The following STARD6 variants were observed in gnomAD, a reference collection of about 807,000 sequenced individuals.
STARD6 encodes the protein stAR-related lipid transfer protein 6.
In STARD6, 21 loss-of-function variants were observed where a neutral mutation model predicts 22.3. The ratio of observed to expected loss-of-function variants is 0.94; its 90% CI spans 0.67 to 1.35. STARD6 has a LOEUF of 1.35. Ranked by LOEUF, STARD6 falls within the 40% of genes most tolerant of loss-of-function variation. The probability of loss-of-function intolerance (pLI) is 0.00; values close to 1 mark genes in which losing one functional copy is unlikely to be tolerated. For synonymous variants in STARD6, 80 were observed against 88.1 expected (o/e 0.91, Z 0.52); for missense variants, 269 against 266.9 (o/e 1.01, Z -0.05).
At chr18:54,340,880 C>T (rs1008730240) in intron 4 of STARD6, among the ~76,000 whole-genome samples, 1 of 152,030 alleles carries the variant, frequency 6.6e-6, no homozygotes, top group Admixed American at 6.6e-5. Context: ...AAACTATTAG[C>T]AGAGATAAAG....
At chr18:54,325,634 A>G (rs1264369189) in intron 7 of STARD6, among the ~76,000 whole-genome samples, 1 of 151,818 alleles carries the variant, frequency 6.6e-6, no homozygotes, top group East Asian at 1.9e-4. Flanking sequence ...TGCAGCCTCG[A>G]ACTCCTGAAT....
intron 4 of STARD6, 60 bp downstream of exon 4, chr18:54,353,994 C>T: frequency 9.6e-7 from 1 of 1,042,126 alleles, no homozygotes; most frequent in East Asian, 2.6e-5. Flanking sequence ...CACTGAAATT[C>T]CAGATACATC....
At chr18:54,348,678 T>C (rs1299148282) in intron 4 of STARD6, among the ~76,000 whole-genome samples, 4 of 152,156 alleles carry the variant, frequency 2.6e-5, no homozygotes, top group African/African-American at 9.7e-5. Context: ...GCCTGACATA[T>C]AGTAGGACAT....
chr18:54,329,982 TA>T (rs1420611756), intron 6 of STARD6, among the ~76,000 whole-genome samples: 3 of 151,984 alleles, frequency 2.0e-5, no homozygotes, highest in African/African-American at 2.4e-5. Context: ...AAACTCTAAC[TA>T]AAAATCAATA....
intron 1 of STARD6, chr18:54,357,230 C>T (rs1295028009): frequency 6.6e-6 from 1 of 152,240 alleles, no homozygotes; most frequent in African/African-American, 2.4e-5. Flanking sequence ...CAGGTTCACA[C>T]ATGTTAGTGA....
intron 3 of STARD6, 84 bp from the exon 4 acceptor site, chr18:54,354,187 CT>C (rs1410257799): frequency 1.9e-5 from 17 of 904,442 alleles, no homozygotes; most frequent in East Asian, 2.6e-5. Flanking sequence ...AGTAAAAACA[CT>C]TTTTTTTCTG....
chr18:54,350,613 CAGGTCTT>C (rs1416961431), intron 4 of STARD6, among the ~76,000 whole-genome samples: 2 of 152,180 alleles, frequency 1.3e-5, no homozygotes, highest in Non-Finnish European at 2.9e-5. Context: ...TTTATGGTTT[CAGGTCTT>C]AGATTTAAGT....
intron 2 of STARD6, chr18:54,355,900 CTT>C (rs1294988850): frequency 6.6e-6 from 1 of 152,184 alleles, no homozygotes; most frequent in Non-Finnish European, 1.5e-5. Context: ...GACTTTGTCA[CTT>C]AGTACAGCTA....
At chr18:54,353,380 G>A (rs953929943) in intron 4 of STARD6, among the ~76,000 whole-genome samples, 3 of 152,190 alleles carry the variant, frequency 2.0e-5, no homozygotes, top group African/African-American at 7.2e-5. Flanking sequence ...TTTAAAATGA[G>A]GAAGTAGGCT....
chr18:54,347,213 T>C (rs945460280), intron 4 of STARD6, among the ~76,000 whole-genome samples: 4 of 152,282 alleles, frequency 2.6e-5, no homozygotes, highest in Non-Finnish European at 5.9e-5. Flanking sequence ...AGAGAACCTA[T>C]ATTTTATCTA....
intron 4 of STARD6, among the ~76,000 whole-genome samples, chr18:54,350,852 T>C (rs920873767): frequency 1.3e-5 from 2 of 152,208 alleles, no homozygotes; most frequent in Non-Finnish European, 2.9e-5. Flanking sequence ...GTGCCTGTTT[T>C]TATACTAGTC....
Position 54,337,149 on chromosome 18 carries a change from A to G in STARD6, c.243T>C (p.Tyr81=). ...CCGAATCAATCCTGTGTACCATATT[A>G]TACACTTGCAATGATTTATCCCATG... ...RITWDKSLQV[Y]NMVHRIDSDT... is the part of the protein sequence containing the mutation. Residue 81 remains tyrosine (Y), a synonymous_variant, in exon 5 of 8, where the codon TAT becomes TAC. Coordinates refer to ENST00000307844, the MANE Select transcript of STARD6 (RefSeq NM_139171.2). 6.2e-7 allele frequency: 1 copy of G among 1,613,086 alleles called. No individual in the cohort carries two copies. Among genetic ancestry groups the G allele is most frequent in the Non-Finnish European group, 8.5e-7 (1 of 1,179,440 alleles).
chr18:54,353,914 C>A, intron 4 of STARD6, 140 bp downstream of exon 4: 2 of 497,254 alleles, frequency 4.0e-6, no homozygotes, highest in South Asian at 3.8e-5. Flanking sequence ...ATTATTATCA[C>A]ATTTCTGCCT....
At chr18:54,337,006 C>T in intron 5 of STARD6, 119 bp downstream of exon 5, 1 of 929,642 alleles carries the variant, frequency 1.1e-6, no homozygotes, top group Non-Finnish European at 1.5e-6. Flanking sequence ...ATAAAGACTT[C>T]AAGTCAATTT....
Position 54,336,671 on chromosome 18 carries a change from G to A in STARD6, c.267+454C>T, listed in dbSNP as rs534604280. Among the ~76,000 whole-genome samples, 3 of 152,272 alleles carry A rather than the reference G, an allele frequency of 2.0e-5. No individual in the cohort carries two copies. In the East Asian group the frequency reaches 5.8e-4, roughly 29 times the overall value. On this transcript the variant is annotated intron_variant, in intron 5 of 7. Transcript: ENST00000307844. ...ACGAGGTCTGATGGTTTAAAAATGT[G>A]TGGCATCTCCCCCTTTGCTCCCTCT...
rs59734684 is a variant in STARD6, at chr18:54,349,125, G to A, written c.140+4929C>T. Among the ~76,000 whole-genome samples the A allele has an allele frequency of 9.6e-3, 1,464 of 152,102 alleles. 29 individuals are homozygous for A. The highest frequency in any genetic ancestry group is 0.033 in the African/African-American group (1,365 of 41,506). On this transcript the variant is annotated intron_variant, in intron 4 of 7. Transcript: ENST00000307844. Reference sequence around the variant, plus strand: ...TTCTAATATGAGAGACATATAATACGTAAGAAAACAAAGAAGATAAATTTC... The same window carrying A: ...TTCTAATATGAGAGACATATAATACATAAGAAAACAAAGAAGATAAATTTC...
At chr18:54,335,906 A>C (rs999970786) in intron 5 of STARD6, among the ~76,000 whole-genome samples, 1 of 152,128 alleles carries the variant, frequency 6.6e-6, no homozygotes, top group African/African-American at 2.4e-5. Flanking sequence ...TAGAACTGTG[A>C]GTCAATTAAA....
chr18:54,357,146 T>G (rs564207459), intron 1 of STARD6: 1 of 152,214 alleles, frequency 6.6e-6, no homozygotes, highest in African/African-American at 2.4e-5. Context: ...AAAATAAACA[T>G]AAACCAACAT....
chr18:54,347,329 G>A (rs938042088), intron 4 of STARD6, among the ~76,000 whole-genome samples: 1 of 151,910 alleles, frequency 6.6e-6, no homozygotes, highest in Admixed American at 6.6e-5. Flanking sequence ...TTCTCAACTT[G>A]TATTTACTCA....
Sources: gnomAD v4.1 joint callset for allele counts (sites outside exome capture counted in the v4.1 genomes callset) on GRCh38, gnomAD v4.1.1 for gene constraint, MANE v1.5 for transcripts, NCBI Gene and HGNC (gene_info 2026-07-23, HGNC 2026-07-21) for gene names.